PCDHGA8: variants seen among roughly 807,000 people sequenced by gnomAD.
PCDHGA8 encodes the protein protocadherin gamma-A8.
A neutral mutation model predicts 59.2 loss-of-function variants in PCDHGA8; 45 were observed. The observed-to-expected ratio is 0.76, with a 90% CI of 0.60 to 0.98. The LOEUF (loss-of-function observed/expected upper bound fraction) is 0.98. PCDHGA8 is among the 50% of genes least tolerant of loss of function. PCDHGA8 has a pLI of 0.00. For missense variants in PCDHGA8, 1,257 were observed against 1,196.2 expected, an observed-to-expected ratio of 1.05 and a Z score of -0.75; for synonymous variants, 531 against 519.0, an observed-to-expected ratio of 1.02 and a Z score of -0.32.
At chr5:141,442,033 G>T (rs2098292928) in intron 1 of PCDHGA8, 1 of 209,534 alleles carries the variant, frequency 4.8e-6, no homozygotes, top group Non-Finnish European at 9.8e-6. Context: ...AAAGCGACTC[G>T]CCAGCGCCTA....
intron 1 of PCDHGA8, chr5:141,405,271 C>T: frequency 3.1e-6 from 5 of 1,614,094 alleles, no homozygotes; most frequent in Non-Finnish European, 4.2e-6. Flanking sequence ...TCCCCCAGCC[C>T]AACTATGCAG....
intron 1 of PCDHGA8, chr5:141,418,454 A>G (rs1211470387): frequency 3.1e-6 from 5 of 1,613,774 alleles, no homozygotes; most frequent in Non-Finnish European, 3.4e-6. Flanking sequence ...ATTGCAGAAG[A>G]CTCTGGACCG....
chr5:141,420,722 A>T (rs1428516588), intron 1 of PCDHGA8, among the ~76,000 whole-genome samples: 4 of 152,226 alleles, frequency 2.6e-5, no homozygotes, highest in Admixed American at 6.5e-5. Flanking sequence ...CGTTCCTTTC[A>T]GTCGGTTAAA....
Position 141,476,962 on chromosome 5 carries a change from C to T in PCDHGA8, c.2425-17845C>T. The stretch of plus-strand genomic sequence containing the variant: ...GCCCCAACGGTGAAATTATTTACTC[C>T]TTCGGCAGCCACAACCGCGCCGGCG... On this transcript the variant is annotated intron_variant, in intron 1 of 3. Coordinates refer to ENST00000398604, the MANE Select transcript of PCDHGA8 (RefSeq NM_032088.2). The surrounding 1 kb of genome is among the most constrained non-coding windows in gnomAD (Gnocchi z 7.6). 6.2e-7 allele frequency: 1 copy of T among 1,614,200 alleles called. No homozygotes were observed. Among genetic ancestry groups the T allele is most frequent in the South Asian group, 1.1e-5 (1 of 91,090 alleles).
intron 1 of PCDHGA8, among the ~76,000 whole-genome samples, chr5:141,397,572 C>T (rs374731219): frequency 1.8e-4 from 27 of 152,196 alleles, no homozygotes; most frequent in Middle Eastern, 3.4e-3. Context: ...AGAGCAAGAA[C>T]TGTATCATAT....
chr5:141,421,829 T>C, intron 1 of PCDHGA8: 1 of 1,613,784 alleles, frequency 6.2e-7, no homozygotes, highest in Non-Finnish European at 8.5e-7. Flanking sequence ...GAGGGAAGCC[T>C]GGACCGAGAG....
chr5:141,437,617 C>T (rs570138576), intron 1 of PCDHGA8, among the ~76,000 whole-genome samples: 1 of 152,102 alleles, frequency 6.6e-6, no homozygotes, highest in Admixed American at 6.6e-5. Flanking sequence ...CTGCTTTATC[C>T]CCATATAAGA....
chr5:141,476,783 G>C lies in PCDHGA8; in HGVS notation c.2425-18024G>C. ...GACGGCGTTGGACGGAGGGACCCCAGCTCTCTCCGCCAGCCTGCCTATTCA... is the reference window on the plus strand; with the variant it reads ...GACGGCGTTGGACGGAGGGACCCCACCTCTCTCCGCCAGCCTGCCTATTCA... On this transcript the variant is annotated intron_variant, in intron 1 of 3. Coordinates refer to ENST00000398604, the MANE Select transcript of PCDHGA8 (RefSeq NM_032088.2). This position sits in a 1 kb window ranked among gnomAD's most constrained non-coding sequence, Gnocchi z 7.6. The C allele has an allele frequency of 6.2e-7, 1 of 1,613,510 alleles. No homozygotes were observed. The highest frequency in any genetic ancestry group is 8.5e-7 in the Non-Finnish European group (1 of 1,180,030).
At chr5:141,403,559 G>C (rs1281537625) in intron 1 of PCDHGA8, 1 of 1,613,974 alleles carries the variant, frequency 6.2e-7, no homozygotes. Flanking sequence ...CCTGGACAGG[G>C]AGGAGGCAAC....
intron 1 of PCDHGA8, among the ~76,000 whole-genome samples, chr5:141,462,192 T>C (rs1323806836): frequency 6.6e-6 from 1 of 152,198 alleles, no homozygotes; most frequent in Non-Finnish European, 1.5e-5. Context: ...ACTCCTGACC[T>C]CAGGTGATCC....
intron 1 of PCDHGA8, chr5:141,400,170 G>T (rs779918187): frequency 6.2e-7 from 1 of 1,614,066 alleles, no homozygotes; most frequent in Admixed American, 1.7e-5. Flanking sequence ...CTGACCCCCA[G>T]GCTGAGCTGC....
At chr5:141,421,774 C>G (rs767599830) in intron 1 of PCDHGA8, 27 of 1,613,772 alleles carry the variant, frequency 1.7e-5, no homozygotes, top group Middle Eastern at 1.6e-4. Context: ...TTCCTTGCAA[C>G]TGCGGGGCAG....
Position 141,489,276 on chromosome 5 carries a change from A to G in PCDHGA8, c.2425-5531A>G. 6.4e-7 allele frequency: 1 copy of G among 1,556,122 alleles called. No homozygotes were observed. Among genetic ancestry groups the G allele is most frequent in the Non-Finnish European group, 8.7e-7 (1 of 1,151,562 alleles). On this transcript the variant is annotated intron_variant, in intron 1 of 3. Coordinates refer to ENST00000398604, the MANE Select transcript of PCDHGA8 (RefSeq NM_032088.2). The surrounding 1 kb of genome is among the most constrained non-coding windows in gnomAD (Gnocchi z 4.5). ...AGACACTCCCACAGCTCGCTGGGAA[A>G]TGGCAAGTGCTGTGCATGTTGTCCT...
In PCDHGA8 at chr5:141,393,249, G is replaced by C; in HGVS notation, c.436G>C (p.Ala146Pro). ...TCTAGAAGTAAAAATTAACGAAATC[G>C]CGGTTCCTGGAGCACGTTATCCACT... The part of the protein sequence containing the change: ...EDLEVKINEI[A>P]VPGARYPLPE... Residue 146 changes from alanine (A) to proline (P), a missense_variant, in exon 1 of 4, where the codon GCG becomes CCG. Ala to Pro is a conservative substitution (Grantham distance 27). Coordinates refer to ENST00000398604, the MANE Select transcript of PCDHGA8 (RefSeq NM_032088.2). 4.3e-6 allele frequency: 7 copies of C among 1,613,786 alleles called. No individual in the cohort carries two copies. Among genetic ancestry groups the C allele is most frequent in the Non-Finnish European group, 5.9e-6 (7 of 1,179,900 alleles).
Position 141,408,306 on chromosome 5 carries a change from A to C in PCDHGA8, c.2424+13069A>C, listed in dbSNP as rs866086431. On this transcript the variant is annotated intron_variant, in intron 1 of 3. Transcript: ENST00000398604. Reference sequence around the variant, plus strand: ...CCCACCCTGAGTGAGCCGATCCGCTACTCGATTCCGGAGGAGCTGGCCAAG... The same window carrying C: ...CCCACCCTGAGTGAGCCGATCCGCTCCTCGATTCCGGAGGAGCTGGCCAAG... The C allele has an allele frequency of 1.2e-6, 2 of 1,613,586 alleles. No homozygotes were observed. Among genetic ancestry groups the C allele is most frequent in the South Asian group, 1.1e-5 (1 of 91,062 alleles).
Position 141,432,632 on chromosome 5 carries a change from G to T in PCDHGA8, c.2424+37395G>T. ...CTTCTCGGTGGGTCTGCACACGGGCGAGGTGCGCACGGCGCGAGCCCTGCT... is the reference window on the plus strand; with the variant it reads ...CTTCTCGGTGGGTCTGCACACGGGCTAGGTGCGCACGGCGCGAGCCCTGCT... On this transcript the variant is annotated intron_variant, in intron 1 of 3. Transcript: ENST00000398604. This position sits in a 1 kb window ranked among gnomAD's most constrained non-coding sequence, Gnocchi z 6.0. The T allele has an allele frequency of 6.2e-7, 1 of 1,612,834 alleles. No homozygotes were observed. Among genetic ancestry groups the T allele is most frequent in the South Asian group, 1.1e-5 (1 of 90,976 alleles).
rs1255512461 is a variant in PCDHGA8 at position 141,395,116 on chromosome 5, T to A, written c.2303T>A (p.Leu768Gln). 1.2e-6 allele frequency: 2 copies of A among 1,614,098 alleles called. No homozygotes were observed. Among genetic ancestry groups the A allele is most frequent in the African/African-American group, 1.3e-5 (1 of 74,932 alleles). Reference sequence around the variant, plus strand: ...ACCGCCGACTCGCGGAAGAGTCACCTGATCTTTCCCCAGCCCAACTACGCA... The same window carrying A: ...ACCGCCGACTCGCGGAAGAGTCACCAGATCTTTCCCCAGCCCAACTACGCA... ...SLTADSRKSH[L>Q]IFPQPNYADM... The change falls in exon 1 of 4, where the codon CTG (leucine) becomes CAG (glutamine). Residue 768 changes from leucine to glutamine, a missense_variant. Leu to Gln is a moderately radical substitution (Grantham distance 113, BLOSUM62 -2). Coordinates refer to ENST00000398604, the MANE Select transcript of PCDHGA8 (RefSeq NM_032088.2).
intron 1 of PCDHGA8, among the ~76,000 whole-genome samples, chr5:141,482,771 A>ACCTAAAATCTCAAACAC (rs1168136626): frequency 4.9e-5 from 7 of 141,414 alleles, no homozygotes; most frequent in African/African-American, 8.5e-5. Flanking sequence ...ATTATCACTG[A>ACCTAAAATCTCAAACAC]ACCTTAAACT....
intron 1 of PCDHGA8, chr5:141,399,009 C>T (rs759328384): frequency 8.1e-6 from 13 of 1,613,694 alleles, no homozygotes; most frequent in African/African-American, 1.3e-5. Context: ...ATTCAAAGAG[C>T]GGAGAAATTA....
Sources: allele counts gnomAD v4.1 joint callset (sites outside exome capture counted in the v4.1 genomes callset), GRCh38; gene constraint gnomAD v4.1.1; non-coding constraint Gnocchi (gnomAD v3.1); transcripts MANE v1.5; gene names NCBI Gene and HGNC (gene_info 2026-07-23, HGNC 2026-07-21).